RASA3: variants seen among roughly 807,000 people sequenced by gnomAD.
RASA3 encodes the protein ras GTPase-activating protein 3.
In RASA3, 73 loss-of-function variants were observed where a neutral mutation model predicts 110.0. The observed-to-expected ratio is 0.66, with a 90% confidence interval of 0.55 to 0.81. The LOEUF (loss-of-function observed/expected upper bound fraction) is 0.81, where lower values mean the gene tolerates loss of function less well. Ranked by LOEUF, RASA3 falls within the 30% of genes least tolerant of loss-of-function variation. The pLI is 0.00. For missense variants in RASA3, 976 were observed against 1,113.2 expected (o/e 0.88, Z 1.75); for synonymous variants, 500 against 451.4 (o/e 1.11, Z -1.37).
In RASA3 at chr13:114,040,993, G is replaced by A. The variant is rs763855928; in HGVS notation, c.372+7C>T. 4 of 1,613,172 alleles carry A rather than the reference G, an allele frequency of 2.5e-6. No homozygotes were observed. Among genetic ancestry groups the A allele is most frequent in the Non-Finnish European group, 3.4e-6 (4 of 1,179,956 alleles). ...TCTGGTTTCCGGGGCTGCGCCGAGA[G>A]TCTCACCTGCACTTCCGAGTCAGCG... On this transcript the variant is annotated splice_region_variant and intron_variant, in intron 4 of 23. Coordinates refer to ENST00000334062, the MANE Select transcript of RASA3 (RefSeq NM_007368.4).
rs1196954510 is a variant in RASA3, at chr13:114,029,806, C to T, written c.449+5G>A. The T allele has an allele frequency of 6.3e-7, 1 of 1,590,914 alleles. No individual in the cohort carries two copies. Among genetic ancestry groups the T allele is most frequent in the East Asian group, 2.3e-5 (1 of 43,500 alleles). On this transcript the variant is annotated splice_donor_5th_base_variant and intron_variant, in intron 5 of 23. Coordinates refer to ENST00000334062, the MANE Select transcript of RASA3 (RefSeq NM_007368.4). ...CGCTCGGTCTCTAGTGAGGACGTGTCTTACCGTGTGGCGAGCTTGTGGCAG... is the reference window on the plus strand; with the variant it reads ...CGCTCGGTCTCTAGTGAGGACGTGTTTTACCGTGTGGCGAGCTTGTGGCAG...
intron 1 of RASA3, among the ~76,000 whole-genome samples, chr13:114,101,665 G>A (rs969062505): frequency 7.2e-5 from 11 of 152,194 alleles, no homozygotes; most frequent in East Asian, 1.9e-4. Flanking sequence ...TGAAATACAC[G>A]AAACCCGAAC....
chr13:114,080,723 C>CTGAAA (rs1214151849), intron 1 of RASA3, among the ~76,000 whole-genome samples: 9 of 152,108 alleles, frequency 5.9e-5, no homozygotes, highest in Admixed American at 1.3e-4. Context: ...CCAGGGGCCA[C>CTGAAA]CTCCCAGGGC....
intron 3 of RASA3, among the ~76,000 whole-genome samples, chr13:114,050,940 G>A (rs971800386): frequency 3.9e-5 from 6 of 152,234 alleles, no homozygotes; most frequent in African/African-American, 7.2e-5. Flanking sequence ...GAACAGGGAC[G>A]ATGAAGAAAG....
intron 2 of RASA3, among the ~76,000 whole-genome samples, chr13:114,063,823 C>T (rs2079402028): frequency 1.3e-5 from 2 of 152,236 alleles, no homozygotes; most frequent in South Asian, 4.1e-4. Context: ...CCACCCCCAG[C>T]ATACGCCGTC....
At chr13:114,120,935 C>A (rs947595132) in intron 1 of RASA3, among the ~76,000 whole-genome samples, 2 of 152,194 alleles carry the variant, frequency 1.3e-5, no homozygotes, top group African/African-American at 4.8e-5. Flanking sequence ...CATTTGAATT[C>A]CAGTGTGCTT....
At chr13:114,095,624 A>G (rs1485182121) in intron 1 of RASA3, among the ~76,000 whole-genome samples, 3 of 152,016 alleles carry the variant, frequency 2.0e-5, no homozygotes, top group Non-Finnish European at 4.4e-5. Context: ...ACACCTTCAC[A>G]TGCGTCCACT....
intron 7 of RASA3, among the ~76,000 whole-genome samples, chr13:114,027,037 A>G (rs1224052171): frequency 6.6e-6 from 1 of 152,240 alleles, no homozygotes; most frequent in East Asian, 1.9e-4. Flanking sequence ...AAAACCCCCA[A>G]GGTCCTGGTA....
At chr13:114,029,755 G>A (rs1226969166) in intron 5 of RASA3, 56 bp downstream of exon 5, 12 of 1,500,198 alleles carry the variant, frequency 8.0e-6, no homozygotes, top group East Asian at 7.3e-5. Context: ...TGTGCTCCTC[G>A]GGAGCCAGAC....
chr13:114,025,315 C>A (rs944916902), intron 7 of RASA3, among the ~76,000 whole-genome samples: 1 of 152,184 alleles, frequency 6.6e-6, no homozygotes, highest in Admixed American at 6.5e-5. Flanking sequence ...GGGCTGCTGA[C>A]GCCTCCTCCT....
chr13:114,070,625 G>A, intron 2 of RASA3, among the ~76,000 whole-genome samples: 1 of 151,514 alleles, frequency 6.6e-6, no homozygotes, highest in Non-Finnish European at 1.5e-5. Context: ...GTTACACGTG[G>A]GCAGGGCTGC....
intron 4 of RASA3, among the ~76,000 whole-genome samples, chr13:114,037,031 C>T (rs777214849): frequency 3.3e-5 from 5 of 152,144 alleles, no homozygotes; most frequent in Non-Finnish European, 5.9e-5. Flanking sequence ...AGTGCAAATT[C>T]CCGGGAGACT....
chr13:114,082,725 G>T (rs2079803756), intron 1 of RASA3, among the ~76,000 whole-genome samples: 2 of 152,222 alleles, frequency 1.3e-5, no homozygotes, highest in African/African-American at 4.8e-5. Flanking sequence ...CGCAAGAGGG[G>T]AAGGGACAGG....
chr13:114,040,171 A>G (rs1184968385), intron 4 of RASA3, among the ~76,000 whole-genome samples: 1 of 152,256 alleles, frequency 6.6e-6, no homozygotes, highest in Non-Finnish European at 1.5e-5. Context: ...CCCAAAATCC[A>G]TGCACGGAGC....
In RASA3 at chr13:114,018,939, G is replaced by A. The variant is rs754969604; in HGVS notation, c.786-20C>T. 6.2e-7 allele frequency: 1 copy of A among 1,612,924 alleles called. No individual in the cohort carries two copies. The highest frequency in any genetic ancestry group is 1.3e-5 in the African/African-American group (1 of 75,054). ...AAGTACCTGGGTGGGAGGGACACAT[G>A]GAGGGGAGGCATGAGGCTGCATCTG... On this transcript the variant is annotated intron_variant, in intron 9 of 23. Coordinates refer to ENST00000334062, the MANE Select transcript of RASA3 (RefSeq NM_007368.4).
rs1454446258 is a variant in RASA3 at position 114,056,087 on chromosome 13, GC to G, written c.174-3933del. On this transcript the variant is annotated intron_variant, in intron 2 of 23. Coordinates refer to ENST00000334062, the MANE Select transcript of RASA3 (RefSeq NM_007368.4). This position sits in a 1 kb window ranked among gnomAD's most constrained non-coding sequence, Gnocchi z 5.7. ...CCTGGCGCGTCACCGTTTCCCGAGA[GC>G]CCCCCGCCCCCGCACAGGCACTGAG... Among the ~76,000 whole-genome samples, 1 of 152,140 alleles carries G rather than the reference GC, an allele frequency of 6.6e-6. No individual in the cohort carries two copies. The highest frequency in any genetic ancestry group is 1.5e-5 in the Non-Finnish European group (1 of 68,024).
At position 114,065,988 on chromosome 13, in the gene RASA3, C is replaced by T. The variant is rs1430000502; in HGVS notation, c.173+7732G>A. ...TGGTGAGCCACCTCACCTCCCCGAG[C>T]CTCAGTCTCCCCATCTGTTCAGGGG... On this transcript the variant is annotated intron_variant, in intron 2 of 23. Coordinates refer to ENST00000334062, the MANE Select transcript of RASA3 (RefSeq NM_007368.4). This position sits in a 1 kb window ranked among gnomAD's most constrained non-coding sequence, Gnocchi z 4.1. Among the ~76,000 whole-genome samples, 1 of 152,142 alleles carries T rather than the reference C, an allele frequency of 6.6e-6. No individual in the cohort carries two copies. Among genetic ancestry groups the T allele is most frequent in the Non-Finnish European group, 1.5e-5 (1 of 68,020 alleles).
intron 7 of RASA3, 132 bp downstream of exon 7, chr13:114,027,257 C>T (rs2054043048): frequency 7.4e-6 from 6 of 805,706 alleles, no homozygotes; most frequent in Middle Eastern, 2.5e-4. Flanking sequence ...CCAGGGCCGG[C>T]TGGCGGGGCT....
intron 21 of RASA3, among the ~76,000 whole-genome samples, chr13:113,992,965 T>C (rs544955539): frequency 6.6e-6 from 1 of 152,344 alleles, no homozygotes; most frequent in African/African-American, 2.4e-5. Context: ...TTATGTCTTG[T>C]TTAAATCTAT....
Sources: allele counts gnomAD v4.1 joint callset (sites outside exome capture counted in the v4.1 genomes callset), GRCh38; gene constraint gnomAD v4.1.1; non-coding constraint Gnocchi (gnomAD v3.1); transcripts MANE v1.5; gene names NCBI Gene and HGNC (gene_info 2026-07-23, HGNC 2026-07-21).